FNDC3B: variants seen among roughly 807,000 people sequenced by gnomAD.
FNDC3B encodes the protein fibronectin type III domain-containing protein 3B.
FNDC3B carries 12 observed loss-of-function variants against 151.5 expected under a neutral mutation model. The ratio of observed to expected loss-of-function variants is 0.08; its 90% CI spans 0.05 to 0.13. The LOEUF (loss-of-function observed/expected upper bound fraction) is 0.13, where lower values mean the gene tolerates loss of function less well. FNDC3B is among the 10% of genes least tolerant of loss of function. The pLI is 1.00. For missense variants in FNDC3B, 1,214 were observed against 1,505.3 expected (o/e 0.81, Z 3.20); for synonymous variants, 528 against 549.0 (o/e 0.96, Z 0.54).
At chr3:172,188,609 G>A (rs1464148677) in intron 3 of FNDC3B, among the ~76,000 whole-genome samples, 4 of 151,880 alleles carry the variant, frequency 2.6e-5, no homozygotes, top group Admixed American at 6.6e-5. Context: ...GTTTCACCAT[G>A]TTGGCCAGGA....
intron 3 of FNDC3B, among the ~76,000 whole-genome samples, chr3:172,180,944 A>G (rs982805383): frequency 6.6e-6 from 1 of 152,124 alleles, no homozygotes; most frequent in East Asian, 1.9e-4. Flanking sequence ...GGGGCAAAAA[A>G]ATATAATGGG....
intron 25 of FNDC3B, among the ~76,000 whole-genome samples, chr3:172,382,142 G>C (rs1735475809): frequency 6.6e-6 from 1 of 152,142 alleles, no homozygotes; most frequent in East Asian, 1.9e-4. Context: ...GTTGTTTCCT[G>C]ACTTTTTAAA....
intron 3 of FNDC3B, among the ~76,000 whole-genome samples, chr3:172,154,682 C>G (rs770176870): frequency 6.6e-6 from 1 of 152,132 alleles, no homozygotes; most frequent in Non-Finnish European, 1.5e-5. Flanking sequence ...TCCACACTCC[C>G]GCATACTTAA....
At chr3:172,362,285 T>C (rs1734402816) in intron 22 of FNDC3B, among the ~76,000 whole-genome samples, 1 of 152,186 alleles carries the variant, frequency 6.6e-6, no homozygotes, top group Non-Finnish European at 1.5e-5. Context: ...GCTCACCTAC[T>C]TCCAAAACTG....
intron 6 of FNDC3B, among the ~76,000 whole-genome samples, chr3:172,283,482 T>C (rs1314319276): frequency 6.6e-6 from 1 of 152,190 alleles, no homozygotes; most frequent in Non-Finnish European, 1.5e-5. Flanking sequence ...GTTGAGTAGG[T>C]GATCATCCCT....
chr3:172,239,853 G>GTTTTTTTTTTTTTTTT (rs1195281476), intron 4 of FNDC3B, among the ~76,000 whole-genome samples: 5 of 65,872 alleles, frequency 7.6e-5, no homozygotes, highest in African/African-American at 2.3e-4. Flanking sequence ...ATCCATTTTA[G>GTTTTTTTTTTTTTTTT]TTCTTTTTTT....
chr3:172,251,266 T>C lies in FNDC3B; in HGVS notation c.515T>C (p.Ile172Thr). ...PHTIYGEQEI[I>T]PFYGMSTYIT... ...TCATAATCATCCATTTTAGAAATTA[T>C]ACCATTTTATGGAATGTCAACCTAC... The change falls in exon 6 of 26, where the codon ATA becomes ACA. Residue 172 changes from isoleucine to threonine, a missense_variant. Transcript: ENST00000415807. The C allele has an allele frequency of 1.2e-6, 2 of 1,606,640 alleles. No individual in the cohort carries two copies. The highest frequency in any genetic ancestry group is 1.1e-5 in the South Asian group (1 of 90,588).
At chr3:172,339,772 C>G (rs1380061223) in intron 16 of FNDC3B, among the ~76,000 whole-genome samples, 2 of 152,136 alleles carry the variant, frequency 1.3e-5, no homozygotes, top group South Asian at 4.1e-4. Context: ...AACTTTGTGA[C>G]TGCATGGCTG....
At chr3:172,116,862 G>A (rs541729628) in intron 2 of FNDC3B, among the ~76,000 whole-genome samples, 11 of 152,236 alleles carry the variant, frequency 7.2e-5, no homozygotes, top group African/African-American at 2.4e-4. Context: ...CACCACGCCC[G>A]GTTCACTCAA....
chr3:172,343,599 T>C (rs76890000), intron 18 of FNDC3B, among the ~76,000 whole-genome samples: 1,669 of 152,352 alleles, frequency 0.011, 72 homozygotes, highest in East Asian at 0.093. Context: ...TGTATTAGCG[T>C]TTCCTGTTGT....
intron 3 of FNDC3B, among the ~76,000 whole-genome samples, chr3:172,187,825 G>A (rs1308192790): frequency 6.6e-6 from 1 of 152,062 alleles, no homozygotes; most frequent in Non-Finnish European, 1.5e-5. Context: ...TCGCCATGTT[G>A]CCTAGTCTCG....
intron 12 of FNDC3B, 57 bp downstream of exon 12, chr3:172,329,133 T>C: frequency 6.4e-7 from 1 of 1,556,022 alleles, no homozygotes; most frequent in Non-Finnish European, 8.7e-7. Context: ...TCCTGAGCCT[T>C]CTTTTACATA....
At chr3:172,389,013 C>T (rs927054995) in intron 25 of FNDC3B, among the ~76,000 whole-genome samples, 4 of 152,098 alleles carry the variant, frequency 2.6e-5, no homozygotes, top group African/African-American at 9.7e-5. Context: ...GTTTCTCTTC[C>T]GCAGAAGGAT....
intron 16 of FNDC3B, chr3:172,337,616 A>G (rs1308662978): frequency 2.1e-6 from 1 of 477,414 alleles, no homozygotes; most frequent in East Asian, 3.6e-5. Context: ...GTGTTATTTA[A>G]CAATTTTTCT....
intron 3 of FNDC3B, among the ~76,000 whole-genome samples, chr3:172,185,139 C>A (rs1724103384): frequency 6.6e-6 from 1 of 152,184 alleles, no homozygotes; most frequent in Non-Finnish European, 1.5e-5. Flanking sequence ...CTATTAATAA[C>A]ACTGAACAAT....
chr3:172,166,763 C>T (rs930243039), intron 3 of FNDC3B, among the ~76,000 whole-genome samples: 9 of 133,140 alleles, frequency 6.8e-5, no homozygotes, highest in Non-Finnish European at 1.1e-4. Context: ...GAGACCTTGC[C>T]TCTGGAAAAA....
chr3:172,162,101 C>G (rs1576921667), intron 3 of FNDC3B, among the ~76,000 whole-genome samples: 5 of 152,060 alleles, frequency 3.3e-5, no homozygotes, highest in African/African-American at 1.2e-4. Context: ...TCTCAGCCTC[C>G]TGAGTAGCTG....
intron 7 of FNDC3B, among the ~76,000 whole-genome samples, chr3:172,290,120 G>A (rs188466713): frequency 5.3e-5 from 8 of 152,272 alleles, no homozygotes; most frequent in Middle Eastern, 3.4e-3. Context: ...ATTTAATTTT[G>A]TGTTCCTTTC....
intron 1 of FNDC3B, 63 bp from the exon 2 acceptor site, chr3:172,112,389 G>T: frequency 1.2e-6 from 1 of 810,508 alleles, no homozygotes; most frequent in Non-Finnish European, 2.2e-6. Context: ...TATGTGACTT[G>T]TTGTGTTACA....
Sources: gnomAD v4.1 joint callset for allele counts (sites outside exome capture counted in the v4.1 genomes callset) on GRCh38, gnomAD v4.1.1 for gene constraint, MANE v1.5 for transcripts, NCBI Gene and HGNC (gene_info 2026-07-23, HGNC 2026-07-21) for gene names.